The following CERT1 variants were observed in gnomAD, a reference collection of about 807,000 sequenced individuals.
CERT1 encodes ceramide transfer protein.
Under a neutral mutation model 87.9 loss-of-function variants are expected in CERT1, and 31 were observed. The observed-to-expected ratio is 0.35, with a 90% CI of 0.27 to 0.48. CERT1 has a LOEUF of 0.48. Ranked by LOEUF, CERT1 falls within the 20% of genes least tolerant of loss-of-function variation. The pLI is 0.99. For synonymous variants in CERT1, 289 were observed against 250.9 expected (o/e 1.15, Z -1.44); for missense variants, 487 against 758.0 (o/e 0.64, Z 4.20).
At position 75,511,427 on chromosome 5, in the gene CERT1, A is replaced by G. The variant is rs887561619; in HGVS notation, c.-220T>C. 1 of 1,540,328 alleles carries G rather than the reference A, an allele frequency of 6.5e-7. No individual in the cohort carries two copies. The highest frequency in any genetic ancestry group is 1.2e-5 in the South Asian group (1 of 83,678). ...GGAGGACGAGCGGTGAAGGAAGCCT[A>G]CCCTTCCAGCCGTCAGCCGCCGCCG... On this transcript the variant is annotated 5_prime_UTR_variant, in exon 1 of 17. Transcript: ENST00000643780.
chr5:75,478,750 G>A (rs902273407), intron 2 of CERT1, among the ~76,000 whole-genome samples: 1 of 151,902 alleles, frequency 6.6e-6, no homozygotes, highest in Non-Finnish European at 1.5e-5. Context: ...TCAAGGCAAA[G>A]CCTATATTGA....
intron 2 of CERT1, among the ~76,000 whole-genome samples, chr5:75,466,334 A>C (rs1765453187): frequency 6.6e-6 from 1 of 151,688 alleles, no homozygotes; most frequent in African/African-American, 2.4e-5. Flanking sequence ...TTCTTTTAAA[A>C]CTCCCTGGAC....
chr5:75,466,167 T>G (rs1580810627), intron 2 of CERT1, among the ~76,000 whole-genome samples: 1 of 152,154 alleles, frequency 6.6e-6, no homozygotes, highest in East Asian at 1.9e-4. Context: ...CAGCCCCCTT[T>G]TATTGGGTTC....
chr5:75,484,647 G>A lies in CERT1; in HGVS notation c.231+21335C>T, dbSNP rs527657642. On this transcript the variant is annotated intron_variant, in intron 2 of 16. Transcript: ENST00000643780. ...AAAACCAACAAGAAATAAGAAGGTC[G>A]TTACATAATGACAAAGGGGTTAATT... Among the ~76,000 whole-genome samples the A allele has an allele frequency of 9.9e-5, 15 of 151,912 alleles. No individual in the cohort carries two copies. In the East Asian group the frequency reaches 1.5e-3, roughly 16 times the overall value.
chr5:75,483,910 T>C (rs1411835172), intron 2 of CERT1, among the ~76,000 whole-genome samples: 1 of 151,214 alleles, frequency 6.6e-6, no homozygotes, highest in Non-Finnish European at 1.5e-5. Flanking sequence ...AAATCACTAA[T>C]AGTATGTACA....
intron 2 of CERT1, among the ~76,000 whole-genome samples, chr5:75,489,646 ACTGGT>A (rs1423573689): frequency 6.6e-6 from 1 of 152,246 alleles, no homozygotes; most frequent in Non-Finnish European, 1.5e-5. Flanking sequence ...GCTCATTATC[ACTGGT>A]CATTAGAGAA....
At chr5:75,448,145 CCATT>C (rs917804881) in intron 3 of CERT1, among the ~76,000 whole-genome samples, 6 of 152,244 alleles carry the variant, frequency 3.9e-5, no homozygotes, top group African/African-American at 1.4e-4. Context: ...TTCTCATAAT[CCATT>C]CAATTTCATT....
intron 3 of CERT1, among the ~76,000 whole-genome samples, chr5:75,448,812 C>A (rs1344826271): frequency 1.3e-5 from 2 of 152,104 alleles, no homozygotes; most frequent in African/African-American, 4.8e-5. Flanking sequence ...ATCTCATTTT[C>A]TTTAATATCT....
chr5:75,467,655 A>G (rs944471153), intron 2 of CERT1, among the ~76,000 whole-genome samples: 1 of 151,512 alleles, frequency 6.6e-6, no homozygotes, highest in African/African-American at 2.4e-5. Flanking sequence ...AAAAAGAAAA[A>G]AAAAAAAAAA....
intron 3 of CERT1, among the ~76,000 whole-genome samples, chr5:75,454,806 A>G (rs1476352736): frequency 6.6e-6 from 1 of 152,250 alleles, no homozygotes; most frequent in East Asian, 1.9e-4. Context: ...TGGATGCCTC[A>G]TGAGCTGAGT....
chr5:75,459,013 C>T (rs1406277671), intron 3 of CERT1, 52 bp downstream of exon 3: 10 of 1,009,202 alleles, frequency 9.9e-6, no homozygotes, highest in Admixed American at 2.0e-5. Context: ...AAGGTATTGT[C>T]AACAATCTCT....
chr5:75,420,822 T>G (rs553382898), intron 5 of CERT1, among the ~76,000 whole-genome samples: 10 of 151,960 alleles, frequency 6.6e-5, no homozygotes, highest in East Asian at 3.9e-4. Flanking sequence ...TTTTGTGGCT[T>G]CTTCTTCTTC....
At chr5:75,458,195 T>C (rs1476192763) in intron 3 of CERT1, among the ~76,000 whole-genome samples, 1 of 152,170 alleles carries the variant, frequency 6.6e-6, no homozygotes, top group East Asian at 1.9e-4. Context: ...TATTAATGTA[T>C]TTCTTTAGTC....
chr5:75,399,371 G>C lies in CERT1; in HGVS notation c.1127C>G (p.Ser376Cys). 2 of 1,612,892 alleles carry C rather than the reference G, an allele frequency of 1.2e-6. No individual in the cohort carries two copies. The highest frequency in any genetic ancestry group is 1.7e-6 in the Non-Finnish European group (2 of 1,179,232). ...GACTAGATCAATGGAAGACATGGAG[G>C]AAGAGCGACTATAGGGCTACCAGAG... ...RFVQKPYSRS[S>C]SMSSIDLVSA... The change falls in exon 11 of 17, where the codon TCC becomes TGC. Residue 376 changes from serine to cysteine, a missense_variant. Ser to Cys is a moderately radical substitution (Grantham distance 112). Transcript: ENST00000643780.
rs772665427 is a variant in CERT1, at chr5:75,417,061, T to C, written c.680-28A>G. 6 of 1,466,548 alleles carry C rather than the reference T, an allele frequency of 4.1e-6. 1 individual carries two copies. The South Asian group carries it at 7.1e-5, about 17-fold the overall frequency. The allele number at this position is 1,466,548 out of a possible 1,614,324, so 90.8% of individuals were successfully genotyped here. ...GAAAATGAAAATTATTCACTGAAAATATCTCTAATGAGGAAATAATTCATC... is the reference window on the plus strand; with the variant it reads ...GAAAATGAAAATTATTCACTGAAAACATCTCTAATGAGGAAATAATTCATC... On this transcript the variant is annotated intron_variant, in intron 6 of 16. Transcript: ENST00000643780.
chr5:75,466,594 T>C (rs1765465015), intron 2 of CERT1, among the ~76,000 whole-genome samples: 1 of 152,192 alleles, frequency 6.6e-6, no homozygotes, highest in South Asian at 2.1e-4. Flanking sequence ...TCTTCAGAGA[T>C]CCTTTCTCTG....
intron 2 of CERT1, among the ~76,000 whole-genome samples, chr5:75,487,592 AC>A (rs1766580670): frequency 6.6e-6 from 1 of 152,044 alleles, no homozygotes; most frequent in African/African-American, 2.4e-5. Flanking sequence ...GGGATTAATA[AC>A]CAGAATATAC....
intron 3 of CERT1, among the ~76,000 whole-genome samples, chr5:75,430,929 T>G (rs1251031353): frequency 6.6e-6 from 1 of 152,142 alleles, no homozygotes; most frequent in African/African-American, 2.4e-5. Flanking sequence ...TAGTCTCAGT[T>G]ACTTGGAAGG....
intron 7 of CERT1, among the ~76,000 whole-genome samples, chr5:75,412,840 A>G (rs1231372091): frequency 2.0e-5 from 3 of 152,240 alleles, no homozygotes; most frequent in African/African-American, 7.2e-5. Flanking sequence ...AAGGCGTAGG[A>G]CATTACTGCA....
Sources: gnomAD v4.1 joint callset for allele counts (sites outside exome capture counted in the v4.1 genomes callset) on GRCh38, gnomAD v4.1.1 for gene constraint, MANE v1.5 for transcripts, NCBI Gene and HGNC (gene_info 2026-07-23, HGNC 2026-07-21) for gene names.